The following MEP1B variants were observed in gnomAD, a reference collection of about 807,000 sequenced individuals.
The protein encoded by MEP1B is N-benzoyl-L-tyrosyl-P-amino-benzoic acid hydrolase subunit beta.
A neutral mutation model predicts 84.6 loss-of-function variants in MEP1B; 80 were observed. The ratio of observed to expected loss-of-function variants is 0.95; its 90% CI spans 0.79 to 1.14. MEP1B has a LOEUF of 1.14. MEP1B is among the 50% of genes most tolerant of loss of function. The probability of loss-of-function intolerance (pLI) is 0.00; values close to 1 mark genes in which losing one functional copy is unlikely to be tolerated. For synonymous variants in MEP1B, 273 were observed against 288.1 expected, an observed-to-expected ratio of 0.95 and a Z score of 0.53; for missense variants, 766 against 855.1, an observed-to-expected ratio of 0.90 and a Z score of 1.30.
rs1311265905 is a variant in MEP1B at position 32,213,136 on chromosome 18, C to T, written c.1156C>T (p.Gln386Ter). 1.9e-6 allele frequency: 3 copies of T among 1,613,538 alleles called. No individual in the cohort carries two copies. The East Asian group carries it at 6.7e-5, about 36-fold the overall frequency. Reference sequence around the variant, plus strand: ...TGCAGAAATACCCACTGGGAGCTGGCAACTTTATCATGTAACATTGAAAGT... The same window carrying T: ...TGCAGAAATACCCACTGGGAGCTGGTAACTTTATCATGTAACATTGAAAGT... ...EIKEIPTGSWQLYHVTLKVTK... is the reference protein window; with the variant it reads ...EIKEIPTGSW Residue 386 changes from glutamine (Q) to a stop codon, truncating the protein, a stop_gained, in exon 11 of 15, where the codon CAA (glutamine) becomes TAA (stop). Transcript: ENST00000269202. LOFTEE classifies it high-confidence loss of function.
At chr18:32,190,341 T>A (rs2040790069) in intron 1 of MEP1B, among the ~76,000 whole-genome samples, 1 of 152,124 alleles carries the variant, frequency 6.6e-6, no homozygotes, top group Admixed American at 6.5e-5. Context: ...TATAAAGTTA[T>A]GTTTTCCTTT....
rs1452850613 is a variant in MEP1B, at chr18:32,217,049, C to A, written c.1818C>A (p.Asp606Glu). 1.9e-6 allele frequency: 3 copies of A among 1,613,966 alleles called. No homozygotes were observed. Among genetic ancestry groups the A allele is most frequent in the Non-Finnish European group, 1.7e-6 (2 of 1,179,856 alleles). Reference protein sequence around the residue: ...IQLTPAPSVQDLCSKTTCKND... With the variant: ...IQLTPAPSVQELCSKTTCKND... ...TAACACCAGCCCCTAGTGTTCAAGA[C>A]CTCTGCTCAAAAACCACCTGTAAAA... Residue 606 changes from aspartate to glutamate, a missense_variant, in exon 13 of 15, where the codon GAC becomes GAA. Asp to Glu is a conservative substitution (Grantham distance 45, BLOSUM62 2). Coordinates refer to ENST00000269202, the MANE Select transcript of MEP1B (RefSeq NM_005925.3).
chr18:32,199,356 G>A (rs1335163075), intron 5 of MEP1B, among the ~76,000 whole-genome samples: 3 of 152,286 alleles, frequency 2.0e-5, no homozygotes, highest in East Asian at 1.9e-4. Context: ...GAAGATGGTC[G>A]AGAATGAAAC....
intron 14 of MEP1B, among the ~76,000 whole-genome samples, chr18:32,219,513 G>A (rs1026829818): frequency 6.6e-6 from 1 of 152,260 alleles, no homozygotes; most frequent in East Asian, 1.9e-4. Context: ...GGTCTCCTGG[G>A]CCATTGGGAT....
At chr18:32,202,734 A>T (rs1240266539) in intron 5 of MEP1B, among the ~76,000 whole-genome samples, 159 bp from the exon 6 acceptor site, 1 of 152,240 alleles carries the variant, frequency 6.6e-6, no homozygotes, top group African/African-American at 2.4e-5. Context: ...ATGATATTCA[A>T]TGGGTACTGA....
rs563755505 is a variant in MEP1B, at chr18:32,208,405, G to A, written c.919+134G>A. ...TTATTCATTAGGTTACTACTGAGAA[G>A]TAGGCCTTGCACCTGATAAAGACAT... On this transcript the variant is annotated intron_variant, in intron 9 of 14. Transcript: ENST00000269202. 6 of 911,646 alleles carry A rather than the reference G, an allele frequency of 6.6e-6. No homozygotes were observed. The African/African-American group carries it at 1.0e-4, about 15-fold the overall frequency. 56.5% of individuals were successfully genotyped at this position (911,646 alleles called of 1,614,324 possible).
chr18:32,207,553 A>G, intron 8 of MEP1B, 83 bp downstream of exon 8: 1 of 911,362 alleles, frequency 1.1e-6, no homozygotes, highest in South Asian at 1.5e-5. Flanking sequence ...TTTGTCAAGC[A>G]TTGGTGGGGT....
At chr18:32,208,839 C>T (rs1275352528) in intron 9 of MEP1B, among the ~76,000 whole-genome samples, 4 of 152,154 alleles carry the variant, frequency 2.6e-5, no homozygotes, top group Non-Finnish European at 4.4e-5. Context: ...TAAAACTAGA[C>T]TTCAGAACTT....
intron 7 of MEP1B, among the ~76,000 whole-genome samples, chr18:32,204,654 C>T (rs1001448187): frequency 2.3e-4 from 35 of 152,094 alleles, no homozygotes; most frequent in African/African-American, 8.2e-4. Flanking sequence ...TTTGCAAATC[C>T]CCAAGTCTTA....
intron 9 of MEP1B, 52 bp from the exon 10 acceptor site, chr18:32,210,449 C>CA: frequency 6.8e-7 from 1 of 1,463,934 alleles, no homozygotes; most frequent in South Asian, 1.2e-5. Flanking sequence ...AACAAACACA[C>CA]ATTCCTATAC....
chr18:32,204,117 G>C, intron 6 of MEP1B, 65 bp from the exon 7 acceptor site: 1 of 1,428,626 alleles, frequency 7.0e-7, no homozygotes, highest in Admixed American at 1.9e-5. Context: ...AGGCAGTGGC[G>C]ATTCTGCCCT....
intron 5 of MEP1B, among the ~76,000 whole-genome samples, chr18:32,197,955 T>G (rs2040872788): frequency 6.6e-6 from 1 of 152,222 alleles, no homozygotes; most frequent in African/African-American, 2.4e-5. Flanking sequence ...TATGCAATAT[T>G]TAGCTCCCAC....
intron 5 of MEP1B, among the ~76,000 whole-genome samples, chr18:32,200,506 G>A (rs1274059522): frequency 6.6e-6 from 1 of 151,390 alleles, no homozygotes. Flanking sequence ...GTATCCTTAC[G>A]TTTCAGAAAT....
At chr18:32,198,568 CA>C (rs760584503) in intron 5 of MEP1B, among the ~76,000 whole-genome samples, 2 of 152,126 alleles carry the variant, frequency 1.3e-5, no homozygotes, top group Admixed American at 6.5e-5. Flanking sequence ...GTGCTTTAGC[CA>C]GATGCATCAC....
rs753383680 is a variant in MEP1B at position 32,190,115 on chromosome 18, TCTC to T, written c.46_48del (p.Leu16del). ...CTTGGTTTCTGTTCTTGGATGCTCTTCTCGTGATTTCTGGCTTGGTAAGGAAAC... is the reference window on the plus strand; with the variant it reads ...CTTGGTTTCTGTTCTTGGATGCTCTTGTGATTTCTGGCTTGGTAAGGAAAC... On this transcript the variant is annotated inframe_deletion, in exon 1 of 15. Transcript: ENST00000269202. 1.2e-6 allele frequency: 2 copies of T among 1,613,268 alleles called. No homozygotes were observed. The highest frequency in any genetic ancestry group is 1.1e-5 in the South Asian group (1 of 90,968).
At chr18:32,203,124 T>G (rs1460473422) in intron 6 of MEP1B, 114 bp downstream of exon 6, 1 of 582,316 alleles carries the variant, frequency 1.7e-6, no homozygotes, top group Non-Finnish European at 3.0e-6. Context: ...GGGACTTTCT[T>G]GCTAGTTGCT....
At chr18:32,203,254 C>A (rs1289245305) in intron 6 of MEP1B, 1 of 376,406 alleles carries the variant, frequency 2.7e-6, no homozygotes, top group Non-Finnish European at 4.8e-6. Flanking sequence ...GACCCACAAC[C>A]TTGTGAATTT....
intron 5 of MEP1B, among the ~76,000 whole-genome samples, chr18:32,199,605 G>T (rs1239724164): frequency 1.3e-5 from 2 of 151,910 alleles, no homozygotes; most frequent in South Asian, 4.1e-4. Context: ...TTTTGGTTTA[G>T]TCTTTTGATT....
At chr18:32,204,049 G>A (rs1194302355) in intron 6 of MEP1B, 133 bp from the exon 7 acceptor site, 8 of 704,610 alleles carry the variant, frequency 1.1e-5, no homozygotes, top group Admixed American at 9.8e-5. Flanking sequence ...TGAGAGAAAC[G>A]CACAGTGTTC....
Sources: allele counts gnomAD v4.1 joint callset (sites outside exome capture counted in the v4.1 genomes callset), GRCh38; gene constraint gnomAD v4.1.1; transcripts MANE v1.5; gene names NCBI Gene and HGNC (gene_info 2026-07-23, HGNC 2026-07-21).